The following ADGRA3 variants were observed in gnomAD, a reference collection of about 807,000 sequenced individuals.
The protein encoded by ADGRA3 is adhesion G protein-coupled receptor A3.
Under a neutral mutation model 119.8 loss-of-function variants are expected in ADGRA3, and 56 were observed. The ratio of observed to expected loss-of-function variants is 0.47; its 90% CI spans 0.38 to 0.58. The LOEUF (loss-of-function observed/expected upper bound fraction) is 0.58. Among genes scored for constraint, ADGRA3 ranks in the 20% least tolerant of loss-of-function variants. The probability of loss-of-function intolerance (pLI) is 0.00; values close to 1 mark genes in which losing one functional copy is unlikely to be tolerated. For synonymous variants in ADGRA3, 607 were observed against 623.8 expected, an observed-to-expected ratio of 0.97 and a Z score of 0.40; for missense variants, 1,516 against 1,649.0, an observed-to-expected ratio of 0.92 and a Z score of 1.40.
intron 11 of ADGRA3, 139 bp from the exon 12 acceptor site, chr4:22,421,228 T>C: frequency 1.8e-6 from 1 of 548,536 alleles, no homozygotes; most frequent in Non-Finnish European, 3.1e-6. Context: ...AATCACTGTG[T>C]AGATAACTGG....
At chr4:22,471,462 A>G (rs768473161) in intron 2 of ADGRA3, among the ~76,000 whole-genome samples, 2 of 152,120 alleles carry the variant, frequency 1.3e-5, no homozygotes, top group Non-Finnish European at 2.9e-5. Context: ...TAAATGGGTA[A>G]AAAAGAGCCC....
intron 1 of ADGRA3, among the ~76,000 whole-genome samples, chr4:22,476,424 A>G (rs1301903759): frequency 6.6e-6 from 1 of 152,188 alleles, no homozygotes; most frequent in Non-Finnish European, 1.5e-5. Flanking sequence ...AACAAATTAT[A>G]ATACATCCAA....
intron 10 of ADGRA3, among the ~76,000 whole-genome samples, chr4:22,426,114 G>A (rs1476392020): frequency 6.6e-6 from 1 of 152,130 alleles, no homozygotes; most frequent in Non-Finnish European, 1.5e-5. Context: ...TTTTAATCCC[G>A]AAATTGGCCT....
At chr4:22,505,229 G>A (rs962845661) in intron 1 of ADGRA3, among the ~76,000 whole-genome samples, 1 of 152,094 alleles carries the variant, frequency 6.6e-6, no homozygotes, top group African/African-American at 2.4e-5. Flanking sequence ...AAGGTTTTGT[G>A]CCCAGCAGTG....
chr4:22,513,703 G>A (rs972809272), intron 1 of ADGRA3, among the ~76,000 whole-genome samples: 10 of 150,962 alleles, frequency 6.6e-5, no homozygotes, highest in African/African-American at 2.4e-4. Context: ...GTAGAGACAG[G>A]GTTTCGTCAA....
chr4:22,472,499 C>T (rs974865325), intron 2 of ADGRA3, among the ~76,000 whole-genome samples: 4 of 152,020 alleles, frequency 2.6e-5, no homozygotes, highest in African/African-American at 9.7e-5. Flanking sequence ...GTGCTACTAC[C>T]GTGCCAAGAA....
At chr4:22,438,202 A>T in intron 8 of ADGRA3, 54 bp downstream of exon 8, 1 of 1,489,398 alleles carries the variant, frequency 6.7e-7, no homozygotes, top group South Asian at 1.2e-5. Context: ...GTCTTAGACA[A>T]CAGAAGGATC....
intron 3 of ADGRA3, among the ~76,000 whole-genome samples, chr4:22,459,108 C>T (rs1020751195): frequency 1.3e-5 from 2 of 151,768 alleles, no homozygotes; most frequent in Non-Finnish European, 2.9e-5. Flanking sequence ...AAGCTACAGA[C>T]GATAGGTTTT....
At chr4:22,461,608 T>C (rs1394151820) in intron 3 of ADGRA3, 129 bp downstream of exon 3, 19 of 613,410 alleles carry the variant, frequency 3.1e-5, no homozygotes, top group Non-Finnish European at 5.4e-5. Context: ...CCTCTTTCTG[T>C]ATCAGGGACC....
At chr4:22,423,238 G>T (rs1476475238) in intron 11 of ADGRA3, among the ~76,000 whole-genome samples, 1 of 150,898 alleles carries the variant, frequency 6.6e-6, no homozygotes, top group African/African-American at 2.4e-5. Flanking sequence ...AGAAACCACA[G>T]CAACAAAAAA....
intron 6 of ADGRA3, among the ~76,000 whole-genome samples, chr4:22,443,777 G>C (rs1716719482): frequency 1.3e-5 from 2 of 152,114 alleles, no homozygotes; most frequent in Non-Finnish European, 2.9e-5. Context: ...ATACAAAAAG[G>C]TCTTAACACT....
At chr4:22,444,945 G>T (rs770854239) in intron 6 of ADGRA3, 28 bp downstream of exon 6, 5 of 1,609,460 alleles carry the variant, frequency 3.1e-6, no homozygotes, top group Non-Finnish European at 4.2e-6. Context: ...TATGGTAAAT[G>T]CTTTCTCAGT....
chr4:22,420,941 T>A lies in ADGRA3; in HGVS notation c.1754A>T (p.Lys585Met). The A allele has an allele frequency of 6.2e-7, 1 of 1,614,150 alleles. No homozygotes were observed. Among genetic ancestry groups the A allele is most frequent in the Non-Finnish European group, 8.5e-7 (1 of 1,179,992 alleles). Residue 585 changes from lysine (K) to methionine (M), a missense_variant, in exon 12 of 19, where the codon AAG (lysine) becomes ATG (methionine). Physicochemically the swap from Lys to Met is moderately conservative, Grantham distance 95. Transcript: ENST00000334304. ...GRRDPEGNLD[K>M]QLSFKCNVSN... ...AACATTGCACTTAAAGCTCAGCTGC[T>A]TATCCAGGTTTCCCTCTGGATCCCG...
chr4:22,428,349 G>GAAA (rs35955836), intron 10 of ADGRA3, among the ~76,000 whole-genome samples: 5,504 of 146,420 alleles, frequency 0.038, 348 homozygotes, highest in African/African-American at 0.13. Flanking sequence ...GGTAAAATAA[G>GAAA]AAAAAAAAAA....
intron 1 of ADGRA3, among the ~76,000 whole-genome samples, chr4:22,509,211 T>C (rs1057053666): frequency 1.3e-5 from 2 of 152,130 alleles, no homozygotes; most frequent in Admixed American, 1.3e-4. Context: ...GCAAAAAGCA[T>C]GCAGTTCACA....
intron 1 of ADGRA3, among the ~76,000 whole-genome samples, chr4:22,489,890 C>T (rs1368471363): frequency 2.0e-5 from 3 of 152,172 alleles, no homozygotes; most frequent in Non-Finnish European, 4.4e-5. Flanking sequence ...GGTCACAATA[C>T]AATTTATCAT....
chr4:22,423,238 G>A (rs1476475238), intron 11 of ADGRA3, among the ~76,000 whole-genome samples: 2 of 150,898 alleles, frequency 1.3e-5, no homozygotes, highest in South Asian at 2.1e-4. Context: ...AGAAACCACA[G>A]CAACAAAAAA....
intron 4 of ADGRA3, among the ~76,000 whole-genome samples, chr4:22,453,811 C>A (rs1424483832): frequency 6.6e-6 from 1 of 152,054 alleles, no homozygotes; most frequent in East Asian, 1.9e-4. Flanking sequence ...AAGTAATCAG[C>A]CTTATGTCTA....
Position 22,435,329 on chromosome 4 carries a change from C to A in ADGRA3, c.1425G>T (p.Lys475Asn). 6.2e-7 allele frequency: 1 copy of A among 1,613,080 alleles called. No homozygotes were observed. The highest frequency in any genetic ancestry group is 8.5e-7 in the Non-Finnish European group (1 of 1,179,230). ...EMIEKFGRFT[K>N]EEKSKELGDV... ...GAAGTACCTCTTTTGATTTTTCCTC[C>A]TTGGTAAATCTTCCAAATTTTTCAA... is the stretch of plus-strand genomic sequence containing the variant. Residue 475 changes from lysine (K) to asparagine (N), a missense_variant, in exon 10 of 19, where the codon AAG (lysine) becomes AAT (asparagine). Physicochemically the swap from Lys to Asn is moderately conservative, Grantham distance 94. Transcript: ENST00000334304.
Sources: allele counts gnomAD v4.1 joint callset (sites outside exome capture counted in the v4.1 genomes callset), GRCh38; gene constraint gnomAD v4.1.1; transcripts MANE v1.5; gene names NCBI Gene and HGNC (gene_info 2026-07-23, HGNC 2026-07-21).